AP3B1: variants seen among roughly 807,000 people sequenced by gnomAD.
AP3B1 encodes adaptor related protein complex 3 subunit beta 1, also known as AP-3 complex subunit beta-1.
Under a neutral mutation model 132.5 loss-of-function variants are expected in AP3B1, and 61 were observed. The observed-to-expected ratio is 0.46, with a 90% confidence interval of 0.37 to 0.57. The LOEUF (loss-of-function observed/expected upper bound fraction) is 0.57, where lower values mean the gene tolerates loss of function less well. Ranked by LOEUF, AP3B1 falls within the 20% of genes least tolerant of loss-of-function variation. AP3B1 has a pLI of 0.00. For missense variants in AP3B1, 1,120 were observed against 1,289.4 expected, an observed-to-expected ratio of 0.87 and a Z score of 2.01; for synonymous variants, 388 against 438.3, an observed-to-expected ratio of 0.89 and a Z score of 1.43.
chr5:78,038,469 G>A (rs761086109), intron 23 of AP3B1, among the ~76,000 whole-genome samples: 1 of 151,928 alleles, frequency 6.6e-6, no homozygotes, highest in South Asian at 2.1e-4. Context: ...AAAAATAATC[G>A]CAAAAAAATC....
intron 3 of AP3B1, among the ~76,000 whole-genome samples, chr5:78,240,429 G>A (rs967177193): frequency 9.2e-5 from 14 of 152,304 alleles, no homozygotes; most frequent in Non-Finnish European, 1.5e-5. Context: ...CTTAGTACAT[G>A]TCATGAGTAG....
intron 7 of AP3B1, among the ~76,000 whole-genome samples, chr5:78,213,024 C>T (rs915475662): frequency 2.6e-5 from 4 of 151,984 alleles, no homozygotes; most frequent in Admixed American, 1.3e-4. Flanking sequence ...ACTACAGGTG[C>T]CCGCCACCGT....
intron 21 of AP3B1, among the ~76,000 whole-genome samples, chr5:78,092,329 T>G (rs746966977): frequency 4.6e-4 from 70 of 152,334 alleles, no homozygotes; most frequent in Non-Finnish European, 4.7e-4. Flanking sequence ...AGAAGATGTG[T>G]GCTCTGGTAT....
intron 6 of AP3B1, among the ~76,000 whole-genome samples, chr5:78,223,087 T>C (rs2112487679): frequency 6.8e-6 from 1 of 147,114 alleles, no homozygotes; most frequent in South Asian, 2.2e-4. Flanking sequence ...CTCGAACTCC[T>C]GGACTCAAGC....
chr5:78,126,156 G>A (rs989873994), intron 17 of AP3B1, among the ~76,000 whole-genome samples: 6 of 151,494 alleles, frequency 4.0e-5, no homozygotes, highest in East Asian at 1.9e-4. Flanking sequence ...AAGTATGTCC[G>A]TAGGAGGAAC....
intron 1 of AP3B1, among the ~76,000 whole-genome samples, chr5:78,281,670 C>G (rs577745869): frequency 1.3e-5 from 2 of 151,980 alleles, no homozygotes; most frequent in Non-Finnish European, 2.9e-5. Context: ...TCACTATCAT[C>G]CAAAATTATT....
At chr5:78,270,487 T>A (rs983517255) in intron 1 of AP3B1, among the ~76,000 whole-genome samples, 2 of 152,018 alleles carry the variant, frequency 1.3e-5, no homozygotes, top group African/African-American at 2.4e-5. Context: ...AAAGGATGTA[T>A]AAAAATATTC....
chr5:78,039,341 C>T, intron 22 of AP3B1, 67 bp from the exon 23 acceptor site: 3 of 1,272,426 alleles, frequency 2.4e-6, no homozygotes, highest in Non-Finnish European at 3.4e-6. Flanking sequence ...AGAAAATATG[C>T]AAACATTTAT....
At chr5:78,140,641 A>G (rs1469633815) in intron 15 of AP3B1, among the ~76,000 whole-genome samples, 1 of 152,140 alleles carries the variant, frequency 6.6e-6, no homozygotes, top group Non-Finnish European at 1.5e-5. Context: ...CCTACCTCCT[A>G]ATACCATCAC....
At chr5:78,126,504 CAAA>C (rs70997969) in intron 17 of AP3B1, among the ~76,000 whole-genome samples, 90 of 62,350 alleles carry the variant, frequency 1.4e-3, no homozygotes, top group East Asian at 6.0e-3. Context: ...GACTCTGTCT[CAAA>C]AAAAAAAAAA....
intron 2 of AP3B1, among the ~76,000 whole-genome samples, chr5:78,258,378 T>G (rs1397103420): frequency 1.3e-5 from 2 of 152,116 alleles, no homozygotes; most frequent in African/African-American, 2.4e-5. Context: ...GGCAAAAGAT[T>G]TGAAAAGACG....
chr5:78,161,072 T>G (rs1241886825), intron 13 of AP3B1, among the ~76,000 whole-genome samples: 1 of 151,956 alleles, frequency 6.6e-6, no homozygotes, highest in African/African-American at 2.4e-5. Context: ...AAATTTAAAG[T>G]AGTTAAACTA....
rs191783774 is a variant in AP3B1, at chr5:78,102,180, A to G, written c.2398-1155T>C. On this transcript the variant is annotated intron_variant, in intron 20 of 26. Coordinates refer to ENST00000255194, the MANE Select transcript of AP3B1 (RefSeq NM_003664.5). Reference sequence around the variant, plus strand: ...CGAGACGGTACCACTAAAGCAAAATATATTTTATCACTATTTAAAGTTTAC... The same window carrying G: ...CGAGACGGTACCACTAAAGCAAAATGTATTTTATCACTATTTAAAGTTTAC... 8.5e-5 allele frequency among the ~76,000 whole-genome samples: 13 copies of G among 152,286 alleles called. No individual in the cohort carries two copies. In the East Asian group the frequency reaches 1.7e-3, roughly 20 times the overall value.
intron 2 of AP3B1, among the ~76,000 whole-genome samples, chr5:78,260,027 TG>T (rs1561205851): frequency 1.3e-5 from 2 of 151,706 alleles, no homozygotes; most frequent in East Asian, 3.9e-4. Context: ...AAAAATTAAA[TG>T]TTTTTTAAAA....
intron 24 of AP3B1, among the ~76,000 whole-genome samples, chr5:78,029,563 G>A (rs1747486209): frequency 6.6e-6 from 1 of 152,168 alleles, no homozygotes; most frequent in South Asian, 2.1e-4. Flanking sequence ...AGTATGTGTG[G>A]TGTGCATGGC....
chr5:78,055,812 AAAC>A (rs1748790026), intron 22 of AP3B1, among the ~76,000 whole-genome samples: 1 of 152,196 alleles, frequency 6.6e-6, no homozygotes, highest in African/African-American at 2.4e-5. Context: ...TAACTTTTAA[AAAC>A]AAATCCATAA....
At chr5:78,208,389 G>C (rs1745599303) in intron 7 of AP3B1, among the ~76,000 whole-genome samples, 1 of 152,088 alleles carries the variant, frequency 6.6e-6, no homozygotes, top group African/African-American at 2.4e-5. Context: ...TTGTTTTTCA[G>C]CTCTGCCCAC....
At chr5:78,247,451 A>G (rs1056004564) in intron 2 of AP3B1, among the ~76,000 whole-genome samples, 7 of 151,246 alleles carry the variant, frequency 4.6e-5, no homozygotes, top group African/African-American at 1.7e-4. Context: ...TTTAAGAAAA[A>G]AGCACTGACG....
At chr5:78,204,522 G>A (rs1745424469) in intron 7 of AP3B1, among the ~76,000 whole-genome samples, 15 of 152,134 alleles carry the variant, frequency 9.9e-5, no homozygotes, top group Admixed American at 9.8e-4. Context: ...TTATCCACAG[G>A]AGCTTCTCAA....
Sources: gnomAD v4.1 joint callset for allele counts (sites outside exome capture counted in the v4.1 genomes callset) on GRCh38, gnomAD v4.1.1 for gene constraint, MANE v1.5 for transcripts, NCBI Gene and HGNC (gene_info 2026-07-23, HGNC 2026-07-21) for gene names.